Variants in ZP4 observed in about 807,000 individuals in gnomAD.
The protein encoded by ZP4 is zona pellucida glycoprotein 4, also known as zona pellucida sperm-binding protein 4.
ZP4 carries 62 observed loss-of-function variants against 62.3 expected under a neutral mutation model. That is an observed-to-expected ratio of 0.99 (90% CI 0.81 to 1.23). The LOEUF (loss-of-function observed/expected upper bound fraction) is 1.23, where lower values mean the gene tolerates loss of function less well. Among genes scored for constraint, ZP4 ranks in the 50% most tolerant of loss-of-function variants. ZP4 has a pLI of 0.00. For missense variants in ZP4, 774 were observed against 656.0 expected (o/e 1.18, Z -1.97); for synonymous variants, 289 against 247.3 (o/e 1.17, Z -1.58).
chr1:237,888,754 C>A (rs866175994), intron 3 of ZP4, among the ~76,000 whole-genome samples: 4 of 152,156 alleles, frequency 2.6e-5, no homozygotes, highest in Non-Finnish European at 4.4e-5. Context: ...AGAATGTCAA[C>A]AAAATTGGTA....
Position 237,884,021 on chromosome 1 carries a change from CACACACACACAA to C in ZP4, c.1390+736_1390+747del, listed in dbSNP as rs1558531093. ...ACACACACACACACACACACAAACA[CACACACACACAA>C]ACACACACAAACACACACAAACACA... On this transcript the variant is annotated intron_variant, in intron 10 of 11. Transcript: ENST00000366570. Among the ~76,000 whole-genome samples the C allele has an allele frequency of 3.3e-3, 196 of 58,834 alleles. 1 individual carries two copies. Among genetic ancestry groups the C allele is most frequent in the Middle Eastern group, 7.0e-3 (1 of 142 alleles). The allele number at this position is 58,834 out of a possible 152,430, so 38.6% of individuals were successfully genotyped here.
chr1:237,890,081 AG>A lies in ZP4; in HGVS notation c.270del (p.Tyr91IlefsTer43). 1.9e-6 allele frequency: 3 copies of A among 1,614,140 alleles called. No homozygotes were observed. Among genetic ancestry groups the A allele is most frequent in the Non-Finnish European group, 2.5e-6 (3 of 1,180,016 alleles). ...CACTCAGTGACATAGCAGCTGCTAT[AG>A]GTTGCCTCCAACACCACGGAGCTGC... ...GPGSSVVLEA[T>X]YSSCYVTEWD... On this transcript the variant is annotated frameshift_variant, in exon 2 of 12. Coordinates refer to ENST00000366570, the MANE Select transcript of ZP4 (RefSeq NM_021186.5). LOFTEE classifies it high-confidence loss of function.
chr1:237,889,936 C>T lies in ZP4; in HGVS notation c.331G>A (p.Gly111Arg). 1 of 1,614,148 alleles carries T rather than the reference C, an allele frequency of 6.2e-7. No individual in the cohort carries two copies. The highest frequency in any genetic ancestry group is 8.5e-7 in the Non-Finnish European group (1 of 1,180,036). The change falls in exon 3 of 12, where the codon GGA (glycine) becomes AGA (arginine). Residue 111 changes from glycine to arginine, a missense_variant. Coordinates refer to ENST00000366570, the MANE Select transcript of ZP4 (RefSeq NM_021186.5). ...ACCTTGTGTTCAGCCGCGCCTGCTC[C>T]TTCAACTCCAACTGGCATGATGTAG... is the stretch of plus-strand genomic sequence containing the variant. ...SHYIMPVGVE[G>R]AGAAEHKVVT...
chr1:237,886,176 G>T (rs1264591057), intron 6 of ZP4, among the ~76,000 whole-genome samples: 1 of 152,140 alleles, frequency 6.6e-6, no homozygotes, highest in Non-Finnish European at 1.5e-5. Context: ...ATATGAAGGT[G>T]AAAGAAAAAC....
At chr1:237,888,245 A>T (rs1665152890) in intron 4 of ZP4, 113 bp downstream of exon 4, 2 of 1,151,286 alleles carry the variant, frequency 1.7e-6, no homozygotes, top group Non-Finnish European at 2.4e-6. Context: ...ATGCATGGCT[A>T]CATGGCAGCC....
At position 237,890,180 on chromosome 1, in the gene ZP4, G is replaced by A; in HGVS notation, c.176-4C>T. ...TCGTGCAGCAGCCCTTGGTTGTCTGGAGGGGTGGGGAAGAGGTGAGAAAAC... is the reference window on the plus strand; with the variant it reads ...TCGTGCAGCAGCCCTTGGTTGTCTGAAGGGGTGGGGAAGAGGTGAGAAAAC... On this transcript the variant is annotated splice_polypyrimidine_tract_variant and splice_region_variant and intron_variant, in intron 1 of 11. Transcript: ENST00000366570. The A allele has an allele frequency of 6.2e-7, 1 of 1,613,786 alleles. No individual in the cohort carries two copies.
Position 237,889,971 on chromosome 1 carries a change from T to C in ZP4, c.298-2A>G, listed in dbSNP as rs967913792. ...AACTGGCATGATGTAGTGGGAGTCCTGGAGAGACAGGCCCTTGGGGGTCAG... is the reference window on the plus strand; with the variant it reads ...AACTGGCATGATGTAGTGGGAGTCCCGGAGAGACAGGCCCTTGGGGGTCAG... On this transcript the variant is annotated splice_acceptor_variant, in intron 2 of 11. Coordinates refer to ENST00000366570, the MANE Select transcript of ZP4 (RefSeq NM_021186.5). LOFTEE classifies it high-confidence loss of function. 1.9e-6 allele frequency: 3 copies of C among 1,614,106 alleles called. No homozygotes were observed. In the East Asian group the frequency reaches 6.7e-5, roughly 36 times the overall value.
In ZP4 at chr1:237,882,755, A is replaced by G. The variant is rs1224504761; in HGVS notation, c.1482T>C (p.Pro494=). 6.2e-7 allele frequency: 1 copy of G among 1,614,068 alleles called. No homozygotes were observed. Among genetic ancestry groups the G allele is most frequent in the Admixed American group, 1.7e-5 (1 of 60,010 alleles). Residue 494 remains proline, a synonymous_variant, in exon 11 of 12, where the codon CCT becomes CCC. Transcript: ENST00000366570. Reference sequence around the variant, plus strand: ...TTGGATACTTACGGAGCTTTTCTGGAGGGTCCTTAGTGGCTTGGAGTAGAA... The same window carrying G: ...TTGGATACTTACGGAGCTTTTCTGGGGGGTCCTTAGTGGCTTGGAGTAGAA... The part of the protein sequence containing the change: ...PMILLQATKD[P]PEKLRVPVDS...
rs779612284 is a variant in ZP4, at chr1:237,882,439, C to G, written c.1606G>C (p.Asp536His). 1 of 1,610,612 alleles carries G rather than the reference C, an allele frequency of 6.2e-7. No homozygotes were observed. The highest frequency in any genetic ancestry group is 2.2e-5 in the East Asian group (1 of 44,858). Residue 536 changes from aspartate to histidine, a missense_variant, in exon 12 of 12, where the codon GAC becomes CAC. Asp to His is a moderately conservative substitution (Grantham distance 81). Coordinates refer to ENST00000366570, the MANE Select transcript of ZP4 (RefSeq NM_021186.5). ...CTCTGGTTTTATTGACACATTTGGTCTGGGCAACTCTTCTGTTTCTTGACA... is the reference window on the plus strand; with the variant it reads ...CTCTGGTTTTATTGACACATTTGGTGTGGGCAACTCTTCTGTTTCTTGACA... ...LAVKKQKSCP[D>H]QMCQ
chr1:237,886,053 T>C (rs562379647), intron 6 of ZP4, among the ~76,000 whole-genome samples, 167 bp from the exon 7 acceptor site: 2 of 152,298 alleles, frequency 1.3e-5, no homozygotes, highest in East Asian at 3.9e-4. Flanking sequence ...GAGACCAATA[T>C]ACAAGTAGGA....
chr1:237,890,066 C>T lies in ZP4; in HGVS notation c.286G>A (p.Val96Ile). 1 of 1,614,172 alleles carries T rather than the reference C, an allele frequency of 6.2e-7. No individual in the cohort carries two copies. The highest frequency in any genetic ancestry group is 8.5e-7 in the Non-Finnish European group (1 of 1,180,030). Residue 96 changes from valine to isoleucine, a missense_variant, in exon 2 of 12, where the codon GTC (valine) becomes ATC (isoleucine). Val to Ile is a conservative substitution (Grantham distance 29). Coordinates refer to ENST00000366570, the MANE Select transcript of ZP4 (RefSeq NM_021186.5). ...VLEATYSSCY[V>I]TEWDSHYIMP... Reference sequence around the variant, plus strand: ...TGGGTCATACTCACCCACTCAGTGACATAGCAGCTGCTATAGGTTGCCTCC... The same window carrying T: ...TGGGTCATACTCACCCACTCAGTGATATAGCAGCTGCTATAGGTTGCCTCC...
intron 10 of ZP4, among the ~76,000 whole-genome samples, chr1:237,883,649 AGGGCGGGGGAGGGCCG>A (rs1558529924): frequency 3.1e-4 from 2 of 6,494 alleles, no homozygotes; most frequent in East Asian, 0.011. Flanking sequence ...AGGGCGGGGG[AGGGCGGGGGAGGGCCG>A]GGGGAGGGCG....
chr1:237,889,895 C>T lies in ZP4; in HGVS notation c.372G>A (p.Lys124=), dbSNP rs746462347. Residue 124 remains lysine, a synonymous_variant, in exon 3 of 12, where the codon AAG becomes AAA. Transcript: ENST00000366570. ...GAAGATCCATAGGACACTTGAGCAG[C>T]TTCCTCTCTGTAACCACCTTGTGTT... ...AAEHKVVTER[K]LLKCPMDLLA... is the part of the protein sequence containing the mutation. 6.2e-7 allele frequency: 1 copy of T among 1,613,796 alleles called. No homozygotes were observed. The highest frequency in any genetic ancestry group is 8.5e-7 in the Non-Finnish European group (1 of 1,180,012).
chr1:237,886,635 G>A (rs1320651665), intron 6 of ZP4, 136 bp downstream of exon 6: 5 of 663,878 alleles, frequency 7.5e-6, no homozygotes, highest in Non-Finnish European at 1.3e-5. Context: ...ATCAAGTAAT[G>A]GGCAGTGCAA....
At chr1:237,887,609 G>A (rs1187513602) in intron 4 of ZP4, 48 bp from the exon 5 acceptor site, 3 of 1,569,956 alleles carry the variant, frequency 1.9e-6, no homozygotes, top group Non-Finnish European at 2.6e-6. Context: ...TCCCATTGTG[G>A]GGAGAACCAG....
At chr1:237,883,047 G>A (rs559392746) in intron 10 of ZP4, among the ~76,000 whole-genome samples, 21 of 152,198 alleles carry the variant, frequency 1.4e-4, no homozygotes, top group Middle Eastern at 6.8e-3. Flanking sequence ...CAGGACTTTC[G>A]TATAAAGATG....
Position 237,883,963 on chromosome 1 carries a change from CACAA to C in ZP4, c.1390+802_1390+805del, listed in dbSNP as rs149218918. Among the ~76,000 whole-genome samples, 169 of 77,448 alleles carry C rather than the reference CACAA, an allele frequency of 2.2e-3. 1 individual carries two copies. The highest frequency in any genetic ancestry group is 5.8e-3 in the African/African-American group (81 of 13,866). The allele number at this position is 77,448 out of a possible 152,430, so 50.8% of individuals were successfully genotyped here. On this transcript the variant is annotated intron_variant, in intron 10 of 11. Coordinates refer to ENST00000366570, the MANE Select transcript of ZP4 (RefSeq NM_021186.5). ...TGACAGAGCAAGAACTGGTCACACA[CACAA>C]ACACACACACACACAAACACACACA...
rs879900797 is a variant in ZP4, at chr1:237,884,049, CACAA to C, written c.1390+716_1390+719del. On this transcript the variant is annotated intron_variant, in intron 10 of 11. Coordinates refer to ENST00000366570, the MANE Select transcript of ZP4 (RefSeq NM_021186.5). ...ACACACACAAACACACACAAACACA[CACAA>C]ACACACACAAACACACACAAACACA... is the stretch of plus-strand genomic sequence containing the variant. Among the ~76,000 whole-genome samples the C allele has an allele frequency of 2.0e-3, 271 of 136,524 alleles. 5 individuals are homozygous for C. The highest frequency in any genetic ancestry group is 2.8e-3 in the Non-Finnish European group (185 of 66,772). 89.6% of individuals were successfully genotyped at this position (136,524 alleles called of 152,430 possible). A position where few individuals can be genotyped will look rare whatever the true frequency, so the allele number is the denominator to read the frequency against.
Position 237,884,001 on chromosome 1 carries a change from C to CACACACAA in ZP4, c.1390+767_1390+768insTTGTGTGT, listed in dbSNP as rs1665020321. On this transcript the variant is annotated intron_variant, in intron 10 of 11. Coordinates refer to ENST00000366570, the MANE Select transcript of ZP4 (RefSeq NM_021186.5). ...ACACACAAACACACACACACACACA[C>CACACACAA]ACACACACACACACAAACACACACA... is the stretch of plus-strand genomic sequence containing the variant. 2.5e-4 allele frequency among the ~76,000 whole-genome samples: 21 copies of CACACACAA among 85,422 alleles called. 1 individual carries two copies. Among genetic ancestry groups the CACACACAA allele is most frequent in the Admixed American group, 4.9e-4 (4 of 8,212 alleles). The allele number at this position is 85,422 out of a possible 152,430, so 56.0% of individuals were successfully genotyped here.
Sources: gnomAD v4.1 joint callset for allele counts (sites outside exome capture counted in the v4.1 genomes callset) on GRCh38, gnomAD v4.1.1 for gene constraint, MANE v1.5 for transcripts, NCBI Gene and HGNC (gene_info 2026-07-23, HGNC 2026-07-21) for gene names.